The following HNRNPA2B1 variants were observed in gnomAD, a reference collection of about 807,000 sequenced individuals.
HNRNPA2B1 encodes heterogeneous nuclear ribonucleoproteins A2/B1.
A neutral mutation model predicts 46.3 loss-of-function variants in HNRNPA2B1; 3 were observed. The ratio of observed to expected loss-of-function variants is 0.06; its 90% CI spans 0.03 to 0.17. The LOEUF (loss-of-function observed/expected upper bound fraction) is 0.17. HNRNPA2B1 is among the 10% of genes least tolerant of loss of function. HNRNPA2B1 has a pLI of 1.00. For missense variants in HNRNPA2B1, 221 were observed against 418.9 expected (o/e 0.53, Z 4.12); for synonymous variants, 225 against 133.8 (o/e 1.68, Z -4.70).
intron 7 of HNRNPA2B1, among the ~76,000 whole-genome samples, 173 bp from the exon 8 acceptor site, chr7:26,193,867 G>C (rs548947084): frequency 2.6e-5 from 4 of 152,082 alleles, no homozygotes; most frequent in Non-Finnish European, 5.9e-5. Flanking sequence ...TGGTGGCTGG[G>C]GTTACTCAGC....
intron 1 of HNRNPA2B1, chr7:26,198,000 C>G (rs994776585): frequency 8.0e-6 from 4 of 497,898 alleles, no homozygotes; most frequent in East Asian, 3.2e-5. Context: ...TAAATTTACT[C>G]AACATTAAAT....
chr7:26,193,693 A>C lies in HNRNPA2B1; in HGVS notation c.723T>G (p.Gly241=). ...GYNGYGGGPG[G]GNFGGSPGYG... ...AACCGGGGCTACCTCCAAAATTGCC[A>C]CCTATTATAAAATAAGCCTTTAAGT... is the stretch of plus-strand genomic sequence containing the variant. The change falls in exon 8 of 11, where the codon GGT becomes GGG. Residue 241 remains glycine, a splice_region_variant and synonymous_variant. Transcript: ENST00000618183. The C allele has an allele frequency of 6.2e-7, 1 of 1,611,104 alleles. No individual in the cohort carries two copies. Among genetic ancestry groups the C allele is most frequent in the Non-Finnish European group, 8.5e-7 (1 of 1,178,244 alleles).
chr7:26,194,511 C>T (rs948566047), intron 7 of HNRNPA2B1, among the ~76,000 whole-genome samples: 2 of 150,768 alleles, frequency 1.3e-5, no homozygotes, highest in African/African-American at 2.5e-5. Flanking sequence ...CCAGCCAGGG[C>T]AACACAGCAA....
intron 6 of HNRNPA2B1, 94 bp downstream of exon 6, chr7:26,196,307 T>C: frequency 6.9e-6 from 7 of 1,020,548 alleles, no homozygotes; most frequent in Admixed American, 2.6e-5. Context: ...GAAAATTGAC[T>C]TAGGTTGGAT....
chr7:26,199,026 T>C (rs909129084), intron 1 of HNRNPA2B1: 4 of 152,238 alleles, frequency 2.6e-5, no homozygotes, highest in East Asian at 1.9e-4. Flanking sequence ...AAGCAGTCTT[T>C]TGAAATGGTT....
chr7:26,199,087 TGTC>T (rs778438118), intron 1 of HNRNPA2B1: 4 of 152,352 alleles, frequency 2.6e-5, no homozygotes, highest in African/African-American at 4.8e-5. Context: ...TATTCTTAAT[TGTC>T]GTCAGCACAT....
chr7:26,200,367 T>C (rs940554512), intron 1 of HNRNPA2B1: 4 of 634,858 alleles, frequency 6.3e-6, no homozygotes, highest in East Asian at 2.7e-5. Context: ...TGAAGGGAAA[T>C]GGCGCCGGGA....
intron 1 of HNRNPA2B1, 75 bp from the exon 2 acceptor site, chr7:26,197,807 T>G (rs1282268087): frequency 2.5e-6 from 4 of 1,604,006 alleles, no homozygotes; most frequent in East Asian, 2.2e-5. Context: ...TTCTTAAATA[T>G]GAGGTGACCT....
chr7:26,196,342 TA>T, intron 6 of HNRNPA2B1, 58 bp downstream of exon 6: 1 of 1,365,666 alleles, frequency 7.3e-7, no homozygotes, highest in Non-Finnish European at 1.0e-6. Context: ...AATGAAAACC[TA>T]ATCATATTTA....
chr7:26,199,770 GAAAAACAT>G (rs1410449066), intron 1 of HNRNPA2B1: 1 of 152,134 alleles, frequency 6.6e-6, no homozygotes, highest in African/African-American at 2.4e-5. Context: ...AAAAAGACAG[GAAAAACAT>G]AAAATGGTTT....
Position 26,191,491 on chromosome 7 carries a change from A to AACT in HNRNPA2B1, c.*866_*868dup, listed in dbSNP as rs1782916664. 1 of 152,176 alleles carries AACT rather than the reference A, an allele frequency of 6.6e-6. No individual in the cohort carries two copies. The allele number at this position is 152,176 out of a possible 1,614,324, so 9.4% of individuals were successfully genotyped here. A position where few individuals can be genotyped will look rare whatever the true frequency, so the allele number is the denominator to read the frequency against. ...CTCAGCTTTCGTTGGCATCCTTATA[A>AACT]ACTACTGTAGTTAAAGTTTTGTAGA... On this transcript the variant is annotated 3_prime_UTR_variant, in exon 11 of 11. Coordinates refer to ENST00000618183, the MANE Select transcript of HNRNPA2B1 (RefSeq NM_002137.4).
chr7:26,195,092 C>CAAAAAAAAAAAAAAAAAAAAAAAAAAAA (rs11356411), intron 7 of HNRNPA2B1, among the ~76,000 whole-genome samples: 5 of 51,934 alleles, frequency 9.6e-5, no homozygotes, highest in Non-Finnish European at 2.3e-4. Context: ...GGCTCCGTCT[C>CAAAAAAAAAAAAAAAAAAAAAAAAAAAA]AAAAAAAAAA....
intron 7 of HNRNPA2B1, among the ~76,000 whole-genome samples, chr7:26,195,138 C>T (rs925552567): frequency 3.2e-5 from 4 of 126,306 alleles, no homozygotes; most frequent in Non-Finnish European, 6.5e-5. Context: ...AAAAAAAAAG[C>T]TTGTGGGCTG....
At chr7:26,194,092 CA>C (rs1714983026) in intron 7 of HNRNPA2B1, among the ~76,000 whole-genome samples, 1 of 152,140 alleles carries the variant, frequency 6.6e-6, no homozygotes, top group Non-Finnish European at 1.5e-5. Context: ...CTACGAATTA[CA>C]TATCTTAAAA....
chr7:26,193,188 A>G (rs1783108887), intron 9 of HNRNPA2B1, 63 bp downstream of exon 9: 2 of 1,490,372 alleles, frequency 1.3e-6, no homozygotes, highest in African/African-American at 1.4e-5. Flanking sequence ...TCTTCCCTTT[A>G]AGTCACAAAA....
At chr7:26,193,213 T>A (rs755805925) in intron 9 of HNRNPA2B1, 38 bp downstream of exon 9, 8 of 1,593,690 alleles carry the variant, frequency 5.0e-6, no homozygotes, top group African/African-American at 1.4e-5. Context: ...AATCCTTTAA[T>A]CACAAAAATC....
At chr7:26,197,883 A>C (rs761407407) in intron 1 of HNRNPA2B1, 151 bp from the exon 2 acceptor site, 1 of 1,575,882 alleles carries the variant, frequency 6.3e-7, no homozygotes, top group Non-Finnish European at 8.6e-7. Flanking sequence ...GGAAAAAAAA[A>C]ACTTACATCA....
chr7:26,199,051 T>C (rs1784029609), intron 1 of HNRNPA2B1: 1 of 152,160 alleles, frequency 6.6e-6, no homozygotes, highest in Non-Finnish European at 1.5e-5. Context: ...GTCACGATAG[T>C]TATTTTCATT....
chr7:26,198,003 CATTAA>C (rs1027647916), intron 1 of HNRNPA2B1: 38 of 475,648 alleles, frequency 8.0e-5, no homozygotes, highest in Middle Eastern at 5.3e-4. Flanking sequence ...ATTTACTCAA[CATTAA>C]ATTATCTTAA....
Sources: allele counts gnomAD v4.1 joint callset (sites outside exome capture counted in the v4.1 genomes callset), GRCh38; gene constraint gnomAD v4.1.1; transcripts MANE v1.5; gene names NCBI Gene and HGNC (gene_info 2026-07-23, HGNC 2026-07-21).